The following SUGP2 variants were observed in gnomAD, a reference collection of about 807,000 sequenced individuals.
SUGP2 encodes SURP and G-patch domain-containing protein 2.
In SUGP2, 24 loss-of-function variants were observed where a neutral mutation model predicts 90.5. The ratio of observed to expected loss-of-function variants is 0.27; its 90% CI spans 0.19 to 0.37. The LOEUF (loss-of-function observed/expected upper bound fraction) is 0.37, where lower values mean the gene tolerates loss of function less well. SUGP2 is among the 10% of genes least tolerant of loss of function. The probability of loss-of-function intolerance (pLI) is 1.00; values close to 1 mark genes in which losing one functional copy is unlikely to be tolerated. For synonymous variants in SUGP2, 473 were observed against 513.4 expected, an observed-to-expected ratio of 0.92 and a Z score of 1.06; for missense variants, 1,233 against 1,363.3, an observed-to-expected ratio of 0.90 and a Z score of 1.51.
chr19:19,009,933 A>G lies in SUGP2; in HGVS notation c.2260T>C (p.Ser754Pro). Reference protein sequence around the residue: ...PSPQDPSLEASGPSPKPAGVD... With the variant: ...PSPQDPSLEAPGPSPKPAGVD... ...CCTGCTGGCTTGGGGGATGGGCCTG[A>G]GGCTTCTAAGCTGGGGTCCTGAGGA... is the stretch of plus-strand genomic sequence containing the variant. The change falls in exon 5 of 11, where the codon TCA (serine) becomes CCA (proline). Residue 754 changes from serine to proline, a missense_variant. Ser to Pro is a moderately conservative substitution (Grantham distance 74). Coordinates refer to ENST00000452918, the MANE Select transcript of SUGP2 (RefSeq NM_001017392.5). 6.2e-7 allele frequency: 1 copy of G among 1,614,132 alleles called. No individual in the cohort carries two copies. Among genetic ancestry groups the G allele is most frequent in the South Asian group, 1.1e-5 (1 of 91,084 alleles).
chr19:19,029,442 T>A (rs909783516), intron 2 of SUGP2, among the ~76,000 whole-genome samples: 13 of 137,842 alleles, frequency 9.4e-5, no homozygotes, highest in African/African-American at 3.5e-4. Flanking sequence ...CCATTTTTTT[T>A]CTTTTTTTTT....
At position 19,001,694 on chromosome 19, in the gene SUGP2, G is replaced by A; in HGVS notation, c.2930-20C>T. On this transcript the variant is annotated intron_variant, in intron 7 of 10. Transcript: ENST00000452918. The stretch of plus-strand genomic sequence containing the variant: ...CATGGACTAGAAGACAAAAGAAAGA[G>A]ACACATACACATACATGTGCTTTTC... The A allele has an allele frequency of 6.2e-7, 1 of 1,613,356 alleles. No individual in the cohort carries two copies. Among genetic ancestry groups the A allele is most frequent in the Non-Finnish European group, 8.5e-7 (1 of 1,179,266 alleles).
chr19:19,030,288 G>C (rs920969135), intron 2 of SUGP2, among the ~76,000 whole-genome samples: 2 of 151,948 alleles, frequency 1.3e-5, no homozygotes, highest in Non-Finnish European at 2.9e-5. Flanking sequence ...TCGGGAGTTC[G>C]AGACCAGCCT....
At chr19:19,019,285 G>A (rs2058618917) in intron 3 of SUGP2, 56 bp from the exon 4 acceptor site, 2 of 1,571,144 alleles carry the variant, frequency 1.3e-6, no homozygotes, top group Non-Finnish European at 1.7e-6. Context: ...GCTCTGAGAA[G>A]ACGAGGATAG....
chr19:19,003,918 C>T (rs191427802), intron 7 of SUGP2, among the ~76,000 whole-genome samples: 2 of 152,286 alleles, frequency 1.3e-5, no homozygotes, highest in Admixed American at 6.5e-5. Context: ...GGGGATGCCC[C>T]GACCTGAATC....
chr19:19,004,153 C>A lies in SUGP2; in HGVS notation c.2929+15G>T. On this transcript the variant is annotated intron_variant, in intron 7 of 10. Transcript: ENST00000452918. Reference sequence around the variant, plus strand: ...ACTGTGCTAGAGGCAACTGTGCCGACAGGCGGGCACTCACCTTTTGGCTCC... The same window carrying A: ...ACTGTGCTAGAGGCAACTGTGCCGAAAGGCGGGCACTCACCTTTTGGCTCC... 1 of 1,527,266 alleles carries A rather than the reference C, an allele frequency of 6.5e-7. No homozygotes were observed. Among genetic ancestry groups the A allele is most frequent in the South Asian group, 1.3e-5 (1 of 77,966 alleles). The allele number at this position is 1,527,266 out of a possible 1,614,324, so 94.6% of individuals were successfully genotyped here.
intron 8 of SUGP2, among the ~76,000 whole-genome samples, chr19:18,997,797 A>AAG (rs914602482): frequency 2.8e-5 from 4 of 144,948 alleles, no homozygotes; most frequent in African/African-American, 1.1e-4. Context: ...AAAAAAAAAA[A>AAG]AAAAAAGAAA....
chr19:19,008,266 T>C (rs755027812), intron 6 of SUGP2, 51 bp downstream of exon 6: 3 of 1,438,380 alleles, frequency 2.1e-6, no homozygotes, highest in Non-Finnish European at 2.9e-6. Flanking sequence ...TCCTTAGACT[T>C]TGTCTCTCTG....
Position 19,010,114 on chromosome 19 carries a change from C to T in SUGP2, c.2079G>A (p.Ala693=), listed in dbSNP as rs376707937. 1.1e-5 allele frequency: 18 copies of T among 1,595,474 alleles called. No homozygotes were observed. Among genetic ancestry groups the T allele is most frequent in the East Asian group, 2.3e-5 (1 of 44,238 alleles). ...TCTGGGTCCCGGTGGTCGCTCTCCT[C>T]GCCTTCCAGCCCCGGAGCCCTTGAG... is the stretch of plus-strand genomic sequence containing the variant. ...LRAQGLRGWK[A]RRATTGTQTL... Residue 693 remains alanine, a synonymous_variant, in exon 5 of 11, where the codon GCG becomes GCA. Transcript: ENST00000452918.
In SUGP2 at chr19:18,993,167, G is replaced by A. The variant is rs921688947; in HGVS notation, c.*574C>T. 6.6e-6 allele frequency: 1 copy of A among 152,170 alleles called. No homozygotes were observed. The highest frequency in any genetic ancestry group is 2.4e-5 in the African/African-American group (1 of 41,420). 9.4% of individuals were successfully genotyped at this position (152,170 alleles called of 1,614,324 possible). ...GCTAAAATTTCATTAAGTCTCTCAAGATGCATTGATGAGATGAGACACCAT... is the reference window on the plus strand; with the variant it reads ...GCTAAAATTTCATTAAGTCTCTCAAAATGCATTGATGAGATGAGACACCAT... On this transcript the variant is annotated 3_prime_UTR_variant, in exon 11 of 11. Coordinates refer to ENST00000452918, the MANE Select transcript of SUGP2 (RefSeq NM_001017392.5).
At position 18,994,384 on chromosome 19, in the gene SUGP2, G is replaced by A. The variant is rs746253997; in HGVS notation, c.3231C>T (p.His1077=). The change falls in exon 10 of 11, where the codon CAC becomes CAT. Residue 1077 remains histidine (H), a synonymous_variant. Transcript: ENST00000452918. ...AACATACCTATTTGTTGGCCCGCTT[G>A]TGTCTGTACATCTGCATCATCCTCT... ...FRQRMMQMYR[H]KRANK The A allele has an allele frequency of 1.2e-6, 2 of 1,614,096 alleles. No homozygotes were observed. Among genetic ancestry groups the A allele is most frequent in the African/African-American group, 2.7e-5 (2 of 74,940 alleles).
At position 19,011,305 on chromosome 19, in the gene SUGP2, G is replaced by A. The variant is rs774927784; in HGVS notation, c.1851-963C>T. ...TGGGACTACAGGCGCGCACCACCAC[G>A]CCTGGCTAATTTTTGTGTTTTTGGT... On this transcript the variant is annotated intron_variant, in intron 4 of 10. Transcript: ENST00000452918. Among the ~76,000 whole-genome samples the A allele has an allele frequency of 1.9e-3, 290 of 151,500 alleles. 1 individual carries two copies. The highest frequency in any genetic ancestry group is 6.8e-3 in the Middle Eastern group (2 of 294).
intron 8 of SUGP2, among the ~76,000 whole-genome samples, chr19:19,001,397 T>C (rs1361959381): frequency 2.0e-5 from 3 of 152,174 alleles, no homozygotes; most frequent in African/African-American, 7.2e-5. Context: ...ATCTCAACTA[T>C]CCATTACACA....
At chr19:19,010,793 C>T (rs888694400) in intron 4 of SUGP2, among the ~76,000 whole-genome samples, 3 of 152,148 alleles carry the variant, frequency 2.0e-5, no homozygotes, top group African/African-American at 4.8e-5. Context: ...AATCTTATGA[C>T]CCAGTCATCA....
rs766088837 is a variant in SUGP2, at chr19:19,010,332, C to G, written c.1861G>C (p.Asp621His). 1 of 1,609,188 alleles carries G rather than the reference C, an allele frequency of 6.2e-7. No homozygotes were observed. The highest frequency in any genetic ancestry group is 1.7e-5 in the Admixed American group (1 of 59,706). ...TATTTATACTCCAGACTATTTTCAT[C>G]AGACAAAAACCTAGATAACAAAACA... ...KEDPAYWFLS[D>H]ENSLEYKYYK... is the part of the protein sequence containing the mutation. Residue 621 changes from aspartate to histidine, a missense_variant, in exon 5 of 11, where the codon GAT becomes CAT. This residue lies in a region of SUGP2 where 540 missense variants were observed against 542.6 expected (regional missense o/e 1.00). Transcript: ENST00000452918.
intron 2 of SUGP2, among the ~76,000 whole-genome samples, chr19:19,028,461 C>T (rs2145737877): frequency 6.6e-6 from 1 of 152,230 alleles, no homozygotes; most frequent in Non-Finnish European, 1.5e-5. Flanking sequence ...TGTGATAACC[C>T]AGGTATTGAT....
chr19:19,032,533 A>C (rs2059214136), intron 1 of SUGP2, among the ~76,000 whole-genome samples: 1 of 152,120 alleles, frequency 6.6e-6, no homozygotes, highest in African/African-American at 2.4e-5. Flanking sequence ...CTTCTAAAAG[A>C]AGCCTCTTGA....
chr19:19,016,308 C>T (rs982684275), intron 4 of SUGP2, among the ~76,000 whole-genome samples: 2 of 152,204 alleles, frequency 1.3e-5, no homozygotes, highest in African/African-American at 4.8e-5. Flanking sequence ...CATGCCCGGC[C>T]GCTTATTTCT....
chr19:19,024,910 A>G lies in SUGP2; in HGVS notation c.1438T>C (p.Leu480=). The G allele has an allele frequency of 6.2e-7, 1 of 1,614,196 alleles. No homozygotes were observed. Among genetic ancestry groups the G allele is most frequent in the Non-Finnish European group, 8.5e-7 (1 of 1,180,038 alleles). Residue 480 remains leucine, a synonymous_variant, in exon 3 of 11, where the codon TTG becomes CTG. Coordinates refer to ENST00000452918, the MANE Select transcript of SUGP2 (RefSeq NM_001017392.5). The part of the protein sequence containing the change: ...ETTNSLCRKS[L]ALLGQTFSLA... ...GAAAATGTCTGTCCCAAAAGGGCCA[A>G]AGACTTCCGGCAGAGAGAGTTGGTG... is the stretch of plus-strand genomic sequence containing the variant.
Sources: gnomAD v4.1 joint callset for allele counts (sites outside exome capture counted in the v4.1 genomes callset) on GRCh38, gnomAD v4.1.1 for gene constraint, gnomAD v4.1.1 regional missense constraint, MANE v1.5 for transcripts, NCBI Gene and HGNC (gene_info 2026-07-23, HGNC 2026-07-21) for gene names.